Variants in SMYD4 observed in about 807,000 individuals in gnomAD.
SMYD4 encodes SET and MYND domain containing 4, also known as protein-lysine N-methyltransferase SMYD4.
In SMYD4, 68 loss-of-function variants were observed where a neutral mutation model predicts 72.8. That is an observed-to-expected ratio of 0.93 (90% CI 0.77 to 1.14). SMYD4 has a LOEUF of 1.14. Among genes scored for constraint, SMYD4 ranks in the 50% most tolerant of loss-of-function variants. SMYD4 has a pLI of 0.00. For missense variants in SMYD4, 984 were observed against 1,003.7 expected (o/e 0.98, Z 0.27); for synonymous variants, 407 against 388.6 (o/e 1.05, Z -0.56).
At chr17:1,791,004 G>A (rs1024825052) in intron 5 of SMYD4, among the ~76,000 whole-genome samples, 1 of 150,274 alleles carries the variant, frequency 6.7e-6, no homozygotes, top group Non-Finnish European at 1.5e-5. Flanking sequence ...GTGGGCGCCT[G>A]TAGTCCCAGC....
intron 1 of SMYD4, 105 bp downstream of exon 1, chr17:1,829,621 G>A (rs1234190483): frequency 6.6e-6 from 1 of 151,926 alleles, no homozygotes; most frequent in Non-Finnish European, 1.5e-5. Context: ...GGGCTTGGAG[G>A]CGGGAAGTCA....
In SMYD4 at chr17:1,800,341, G is replaced by C; in HGVS notation, c.1053C>G (p.Ala351=). The C allele has an allele frequency of 6.2e-7, 1 of 1,614,098 alleles. No homozygotes were observed. Among genetic ancestry groups the C allele is most frequent in the Middle Eastern group, 1.6e-4 (1 of 6,062 alleles). ...LLTLGVFCHI[A]LRLTLLVGFE... ...ATCCCACCAAAAGAGTCAACCTCAGGGCAATGTGGCAAAAGACACCCAGTG... is the reference window on the plus strand; with the variant it reads ...ATCCCACCAAAAGAGTCAACCTCAGCGCAATGTGGCAAAAGACACCCAGTG... The change falls in exon 5 of 11, where the codon GCC becomes GCG. Residue 351 remains alanine (A), a synonymous_variant. Coordinates refer to ENST00000305513, the MANE Select transcript of SMYD4 (RefSeq NM_052928.3).
Position 1,800,481 on chromosome 17 carries a change from C to A in SMYD4, c.913G>T (p.Ala305Ser). The A allele has an allele frequency of 1.2e-6, 2 of 1,614,154 alleles. No homozygotes were observed. The highest frequency in any genetic ancestry group is 2.2e-5 in the South Asian group (2 of 91,086). ...YCHRCLKHTL[A>S]TVPCDGCSYA... ...CTGCATCCGTCACACGGAACTGTGG[C>A]CAAAGTGTGCTTCAAACATCGGTGA... The change falls in exon 5 of 11, where the codon GCC (alanine) becomes TCC (serine). Residue 305 changes from alanine (A) to serine (S), a missense_variant. Transcript: ENST00000305513.
intron 3 of SMYD4, among the ~76,000 whole-genome samples, chr17:1,806,777 T>C (rs1349836495): frequency 6.6e-6 from 1 of 152,226 alleles, no homozygotes; most frequent in Non-Finnish European, 1.5e-5. Flanking sequence ...TATGTATGTA[T>C]ATCTTATATA....
chr17:1,804,589 G>A, intron 4 of SMYD4, 37 bp downstream of exon 4: 1 of 1,587,198 alleles, frequency 6.3e-7, no homozygotes. Context: ...AAGCCCTCCG[G>A]ATCCTGTCCT....
chr17:1,816,512 C>A (rs11657790), intron 2 of SMYD4, among the ~76,000 whole-genome samples: 34 of 150,844 alleles, frequency 2.3e-4, no homozygotes, highest in Admixed American at 2.1e-3. Flanking sequence ...CCCAGCTACT[C>A]GGGGGACTGA....
Position 1,799,907 on chromosome 17 carries a change from ATG to A in SMYD4, c.1485_1486del (p.Met496ValfsTer6), listed in dbSNP as rs757900503. The A allele has an allele frequency of 2.5e-6, 4 of 1,613,520 alleles. No homozygotes were observed. Among genetic ancestry groups the A allele is most frequent in the Admixed American group, 1.7e-5 (1 of 59,960 alleles). ...CTGAGCGTTACACTGAAGCTGTAAC[ATG>A]TGTCTCAGCATCGCCACTCCCCAAA... is the stretch of plus-strand genomic sequence containing the variant. On this transcript the variant is annotated frameshift_variant, in exon 5 of 11. Transcript: ENST00000305513. LOFTEE classifies it high-confidence loss of function.
intron 2 of SMYD4, chr17:1,814,774 G>A (rs1039637793): frequency 3.3e-5 from 5 of 152,138 alleles, no homozygotes; most frequent in African/African-American, 1.2e-4. Context: ...AGTGAGCTGA[G>A]ATCGCACCAT....
intron 1 of SMYD4, among the ~76,000 whole-genome samples, chr17:1,829,060 G>A (rs1429733113): frequency 1.3e-5 from 2 of 152,112 alleles, no homozygotes; most frequent in Admixed American, 1.3e-4. Context: ...TATAATTAAT[G>A]TCCATGCCAT....
At chr17:1,787,650 C>A in intron 5 of SMYD4, 46 bp from the exon 6 acceptor site, 2 of 1,508,630 alleles carry the variant, frequency 1.3e-6, no homozygotes. Context: ...AGCACATGAG[C>A]CCTGGCCTTG....
intron 2 of SMYD4, among the ~76,000 whole-genome samples, chr17:1,826,491 CAA>C (rs111636314): frequency 1.9e-5 from 2 of 103,058 alleles, no homozygotes; most frequent in Non-Finnish European, 4.0e-5. Context: ...AAACTCTGTC[CAA>C]AAAAAAAAAA....
At chr17:1,814,284 G>C (rs1024990351) in intron 2 of SMYD4, among the ~76,000 whole-genome samples, 1 of 152,114 alleles carries the variant, frequency 6.6e-6, no homozygotes, top group African/African-American at 2.4e-5. Flanking sequence ...AAGCCTGGGT[G>C]ACAGGGCAAG....
At position 1,800,492 on chromosome 17, in the gene SMYD4, T is replaced by C. The variant is rs929931880; in HGVS notation, c.902A>G (p.Lys301Arg). The change falls in exon 5 of 11, where the codon AAG becomes AGG. Residue 301 changes from lysine to arginine, a missense_variant. Lys to Arg is a conservative substitution (Grantham distance 26, BLOSUM62 2). Transcript: ENST00000305513. ...ACACGGAACTGTGGCCAAAGTGTGCTTCAAACATCGGTGACAATAGAGGTC... is the reference window on the plus strand; with the variant it reads ...ACACGGAACTGTGGCCAAAGTGTGCCTCAAACATCGGTGACAATAGAGGTC... ...NGDLYCHRCL[K>R]HTLATVPCDG... The C allele has an allele frequency of 6.8e-6, 11 of 1,614,064 alleles. No individual in the cohort carries two copies. The African/African-American group carries it at 1.5e-4, about 22-fold the overall frequency.
Position 1,783,081 on chromosome 17 carries a change from C to G in SMYD4, c.2215G>C (p.Glu739Gln), listed in dbSNP as rs1223576905. ...AATTTGAAGAGCTCATGGCCCATTT[C>G]AACACTGGACGGCCCGTGGCGAACC... ...VEVRHGPSSV[E>Q]MGHELFKLAQ... The change falls in exon 10 of 11, where the codon GAA becomes CAA. Residue 739 changes from glutamate to glutamine, a missense_variant. Physicochemically the swap from Glu to Gln is conservative, Grantham distance 29 (BLOSUM62 2). Coordinates refer to ENST00000305513, the MANE Select transcript of SMYD4 (RefSeq NM_052928.3). 6.2e-7 allele frequency: 1 copy of G among 1,614,078 alleles called. No individual in the cohort carries two copies. Among genetic ancestry groups the G allele is most frequent in the Non-Finnish European group, 8.5e-7 (1 of 1,180,050 alleles).
intron 8 of SMYD4, among the ~76,000 whole-genome samples, chr17:1,784,037 C>G (rs888072884): frequency 5.3e-5 from 8 of 152,224 alleles, no homozygotes; most frequent in Admixed American, 3.9e-4. Context: ...GAACTGCACA[C>G]AGCTCACGGA....
chr17:1,801,143 A>G lies in SMYD4; in HGVS notation c.370-119T>C, dbSNP rs937033445. On this transcript the variant is annotated intron_variant, in intron 4 of 10. Coordinates refer to ENST00000305513, the MANE Select transcript of SMYD4 (RefSeq NM_052928.3). ...ATTATTAAAAAATGGAACAATTACA[A>G]CCACATGCTTATTAAAATCATATAG... 3.5e-6 allele frequency: 3 copies of G among 848,730 alleles called. No individual in the cohort carries two copies. The Admixed American group carries it at 8.2e-5, about 23-fold the overall frequency. 52.6% of individuals were successfully genotyped at this position (848,730 alleles called of 1,614,324 possible).
intron 2 of SMYD4, chr17:1,814,815 A>C (rs1454216631): frequency 6.6e-6 from 1 of 152,132 alleles, no homozygotes; most frequent in East Asian, 1.9e-4. Flanking sequence ...ATAATACAAA[A>C]AAGAAAAACT....
chr17:1,794,734 TAAA>T (rs34186438), intron 5 of SMYD4, among the ~76,000 whole-genome samples: 3 of 147,402 alleles, frequency 2.0e-5, no homozygotes, highest in African/African-American at 2.5e-5. Flanking sequence ...TCAGTTCTCT[TAAA>T]AAAAAAAAAA....
At chr17:1,792,013 T>C (rs970788037) in intron 5 of SMYD4, among the ~76,000 whole-genome samples, 2 of 151,830 alleles carry the variant, frequency 1.3e-5, no homozygotes, top group African/African-American at 2.4e-5. Context: ...AGATATAACA[T>C]GTTATCTTTA....
Sources: gnomAD v4.1 joint callset for allele counts (sites outside exome capture counted in the v4.1 genomes callset) on GRCh38, gnomAD v4.1.1 for gene constraint, MANE v1.5 for transcripts, NCBI Gene and HGNC (gene_info 2026-07-23, HGNC 2026-07-21) for gene names.